The following CFDP1 variants were observed in gnomAD, a reference collection of about 807,000 sequenced individuals.
The protein encoded by CFDP1 is chromatin remodeling protein CFDP1.
In CFDP1, 31 loss-of-function variants were observed where a neutral mutation model predicts 40.1. The ratio of observed to expected loss-of-function variants is 0.77; its 90% CI spans 0.58 to 1.04. CFDP1 has a LOEUF of 1.04. Among genes scored for constraint, CFDP1 ranks in the 50% least tolerant of loss-of-function variants. The pLI is 0.00. For missense variants in CFDP1, 423 were observed against 343.4 expected (o/e 1.23, Z -1.83); for synonymous variants, 167 against 120.0 (o/e 1.39, Z -2.56).
At chr16:75,327,981 C>T (rs146763480) in intron 5 of CFDP1, among the ~76,000 whole-genome samples, 2,610 of 150,384 alleles carry the variant, frequency 0.017, 71 homozygotes, top group African/African-American at 0.06. Flanking sequence ...CCGCCTGCCT[C>T]GGCCTCCCAA....
chr16:75,416,150 C>A (rs1237272125), intron 1 of CFDP1, among the ~76,000 whole-genome samples: 1 of 152,108 alleles, frequency 6.6e-6, no homozygotes, highest in Non-Finnish European at 1.5e-5. Context: ...CCGCACACGG[C>A]CTCCAATCAG....
intron 6 of CFDP1, among the ~76,000 whole-genome samples, chr16:75,300,507 G>T (rs1163680229): frequency 6.6e-6 from 1 of 152,058 alleles, no homozygotes; most frequent in Admixed American, 6.6e-5. Flanking sequence ...GGCTGGTCTC[G>T]AACTCCTGAC....
Position 75,303,400 on chromosome 16 carries a change from A to AATGAATGAATGTATGTATGT in CFDP1, c.809+1623_809+1624insACATACATACATTCATTCAT, listed in dbSNP as rs55834001. Among the ~76,000 whole-genome samples the AATGAATGAATGTATGTATGT allele has an allele frequency of 1.8e-3, 270 of 146,240 alleles. 1 individual carries two copies. The East Asian group carries it at 0.027, about 15-fold the overall frequency. ...AAATAAATAAATAAATAAATAAATA[A>AATGAATGAATGTATGTATGT]ATGTATGTATGTATGTATGTATGTA... is the stretch of plus-strand genomic sequence containing the variant. On this transcript the variant is annotated intron_variant, in intron 6 of 6. Coordinates refer to ENST00000283882, the MANE Select transcript of CFDP1 (RefSeq NM_006324.3).
intron 4 of CFDP1, among the ~76,000 whole-genome samples, chr16:75,404,631 T>C (rs1271553180): frequency 1.3e-5 from 2 of 151,758 alleles, no homozygotes; most frequent in African/African-American, 4.8e-5. Context: ...ACATAATTAA[T>C]GTGAAGCTCA....
chr16:75,414,511 A>T, intron 2 of CFDP1, 67 bp downstream of exon 2: 1 of 920,090 alleles, frequency 1.1e-6, no homozygotes, highest in African/African-American at 1.6e-5. Context: ...TCATGAGACC[A>T]ATCTTAGCAA....
At chr16:75,364,082 T>C (rs1035740994) in intron 5 of CFDP1, among the ~76,000 whole-genome samples, 15 of 151,932 alleles carry the variant, frequency 9.9e-5, no homozygotes, top group Non-Finnish European at 1.5e-4. Flanking sequence ...TCTGAGGTAC[T>C]TCTCCCCTCT....
chr16:75,389,838 T>C (rs114826784), intron 5 of CFDP1, among the ~76,000 whole-genome samples: 12 of 152,330 alleles, frequency 7.9e-5, no homozygotes, highest in African/African-American at 2.4e-4. Flanking sequence ...ATACCCCAGA[T>C]CAGCTGAATT....
At chr16:75,377,697 A>G (rs2078813321) in intron 5 of CFDP1, among the ~76,000 whole-genome samples, 1 of 152,202 alleles carries the variant, frequency 6.6e-6, no homozygotes, top group Non-Finnish European at 1.5e-5. Context: ...GGTCAGGGAA[A>G]CCACTCAGAA....
chr16:75,332,719 ATATATATT>A, intron 5 of CFDP1, among the ~76,000 whole-genome samples: 1 of 150,736 alleles, frequency 6.6e-6, no homozygotes, highest in Middle Eastern at 3.4e-3. Flanking sequence ...AGTCAGTTCT[ATATATATT>A]TATATATAAA....
chr16:75,428,944 G>C (rs530453899), intron 1 of CFDP1, among the ~76,000 whole-genome samples: 1 of 151,302 alleles, frequency 6.6e-6, no homozygotes, highest in African/African-American at 2.4e-5. Context: ...GTGAAATCCC[G>C]TCTCTACTAT....
chr16:75,345,664 C>A (rs1351908696), intron 5 of CFDP1, among the ~76,000 whole-genome samples: 1 of 152,042 alleles, frequency 6.6e-6, no homozygotes, highest in Non-Finnish European at 1.5e-5. Context: ...AAAAGAACAT[C>A]CCAAAGTCTG....
chr16:75,298,902 G>A (rs1466557267), intron 6 of CFDP1, among the ~76,000 whole-genome samples: 2 of 152,056 alleles, frequency 1.3e-5, no homozygotes, highest in Non-Finnish European at 2.9e-5. Flanking sequence ...CCTTCATGCC[G>A]CTCCAACTCA....
chr16:75,369,941 T>C (rs1330290250), intron 5 of CFDP1, among the ~76,000 whole-genome samples: 1 of 151,880 alleles, frequency 6.6e-6, no homozygotes, highest in Non-Finnish European at 1.5e-5. Context: ...GTATTATTAT[T>C]ATTATTATTT....
intron 1 of CFDP1, among the ~76,000 whole-genome samples, chr16:75,427,445 G>T (rs917582722): frequency 6.6e-6 from 1 of 152,070 alleles, no homozygotes; most frequent in African/African-American, 2.4e-5. Flanking sequence ...TAGAGACAGG[G>T]TTTCAACATA....
intron 1 of CFDP1, among the ~76,000 whole-genome samples, chr16:75,418,380 A>G (rs1597400097): frequency 7.5e-6 from 1 of 132,934 alleles, no homozygotes; most frequent in Non-Finnish European, 1.5e-5. Flanking sequence ...ATCTCGGCTC[A>G]CTGCAAGCTC....
At chr16:75,361,217 G>C (rs1433904994) in intron 5 of CFDP1, among the ~76,000 whole-genome samples, 1 of 152,080 alleles carries the variant, frequency 6.6e-6, no homozygotes, top group Non-Finnish European at 1.5e-5. Context: ...TGCCATGTTG[G>C]CCAGGCTGCT....
At chr16:75,379,397 A>C (rs1286841674) in intron 5 of CFDP1, among the ~76,000 whole-genome samples, 1 of 152,140 alleles carries the variant, frequency 6.6e-6, no homozygotes, top group Non-Finnish European at 1.5e-5. Flanking sequence ...ATGAAATGGG[A>C]TATCACTACA....
chr16:75,392,218 A>T (rs2078958184), intron 5 of CFDP1, among the ~76,000 whole-genome samples: 1 of 152,000 alleles, frequency 6.6e-6, no homozygotes, highest in South Asian at 2.1e-4. Flanking sequence ...AGCCTGGCCA[A>T]CATAGTGAAA....
At chr16:75,430,483 T>A (rs2079398825) in intron 1 of CFDP1, among the ~76,000 whole-genome samples, 2 of 146,286 alleles carry the variant, frequency 1.4e-5, no homozygotes, top group Admixed American at 6.8e-5. Flanking sequence ...TTTTTTTTTT[T>A]AAATGGAGTC....
Sources: allele counts gnomAD v4.1 joint callset (sites outside exome capture counted in the v4.1 genomes callset), GRCh38; gene constraint gnomAD v4.1.1; transcripts MANE v1.5; gene names NCBI Gene and HGNC (gene_info 2026-07-23, HGNC 2026-07-21).